Variants in KLHL29 observed in about 807,000 individuals in gnomAD.
The protein encoded by KLHL29 is kelch like family member 29.
KLHL29 carries 21 observed loss-of-function variants against 80.4 expected under a neutral mutation model. The ratio of observed to expected loss-of-function variants is 0.26; its 90% CI spans 0.19 to 0.38. KLHL29 has a LOEUF of 0.38. Ranked by LOEUF, KLHL29 falls within the 10% of genes least tolerant of loss-of-function variation. The probability of loss-of-function intolerance (pLI) is 1.00; values close to 1 mark genes in which losing one functional copy is unlikely to be tolerated. For missense variants in KLHL29, 867 were observed against 1,223.9 expected, an observed-to-expected ratio of 0.71 and a Z score of 4.35; for synonymous variants, 511 against 526.8, an observed-to-expected ratio of 0.97 and a Z score of 0.41.
chr2:23,607,071 C>A (rs1280008495), intron 3 of KLHL29, among the ~76,000 whole-genome samples: 1 of 152,222 alleles, frequency 6.6e-6, no homozygotes, highest in Admixed American at 6.5e-5. Context: ...GGGCCCCACC[C>A]TCATGACCTA....
At position 23,696,265 on chromosome 2, in the gene KLHL29, G is replaced by A. The variant is rs1423189789; in HGVS notation, c.1925-68G>A. 5 of 1,505,540 alleles carry A rather than the reference G, an allele frequency of 3.3e-6. No homozygotes were observed. Among genetic ancestry groups the A allele is most frequent in the Non-Finnish European group, 4.5e-6 (5 of 1,109,212 alleles). The allele number at this position is 1,505,540 out of a possible 1,614,324, so 93.3% of individuals were successfully genotyped here. A position where few individuals can be genotyped will look rare whatever the true frequency, so the allele number is the denominator to read the frequency against. On this transcript the variant is annotated intron_variant, in intron 10 of 13. Coordinates refer to ENST00000486442, the MANE Select transcript of KLHL29 (RefSeq NM_052920.2). The surrounding 1 kb of genome is among the most constrained non-coding windows in gnomAD (Gnocchi z 5.5). ...GGTGAAGCCTTCCTCTGCCCCTGGG[G>A]CTGGGCCTGCTGACCCCAGGCCCCT... is the stretch of plus-strand genomic sequence containing the variant.
chr2:23,613,763 C>CAAAA lies in KLHL29; in HGVS notation c.286-25352_286-25349dup, dbSNP rs1157736706. On this transcript the variant is annotated intron_variant, in intron 3 of 13. Transcript: ENST00000486442. ...TGGGCGGCAGGGCAAGACTCCATCT[C>CAAAA]AAAAAAAAAAAAAAAAAAAAAAAAA... Among the ~76,000 whole-genome samples the CAAAA allele has an allele frequency of 1.7e-4, 11 of 63,716 alleles. 1 individual carries two copies. The highest frequency in any genetic ancestry group is 8.9e-4 in the African/African-American group (10 of 11,256). 41.8% of individuals were successfully genotyped at this position (63,716 alleles called of 152,430 possible).
chr2:23,684,657 C>A lies in KLHL29; in HGVS notation c.1079+120C>A. 1 of 801,540 alleles carries A rather than the reference C, an allele frequency of 1.2e-6. No homozygotes were observed. Among genetic ancestry groups the A allele is most frequent in the Non-Finnish European group, 1.8e-6 (1 of 550,946 alleles). 49.7% of individuals were successfully genotyped at this position (801,540 alleles called of 1,614,324 possible). On this transcript the variant is annotated intron_variant, in intron 6 of 13. Coordinates refer to ENST00000486442, the MANE Select transcript of KLHL29 (RefSeq NM_052920.2). The surrounding 1 kb of genome is among the most constrained non-coding windows in gnomAD (Gnocchi z 4.4). ...TGACTCCCTGTCACAGAGCCAGTAG[C>A]CATCTCTCCTCCTCCTCCTCCTCCT...
At chr2:23,639,700 A>G (rs1239776318) in intron 4 of KLHL29, among the ~76,000 whole-genome samples, 1 of 152,074 alleles carries the variant, frequency 6.6e-6, no homozygotes, top group East Asian at 1.9e-4. Context: ...AGCTTGTACA[A>G]CATCCCAGCC....
At chr2:23,413,679 G>A (rs1666919444) in intron 1 of KLHL29, among the ~76,000 whole-genome samples, 1 of 152,122 alleles carries the variant, frequency 6.6e-6, no homozygotes, top group Non-Finnish European at 1.5e-5. Context: ...CAGATTCATG[G>A]CCCTGCAGTG....
chr2:23,390,358 G>T (rs1282274421), intron 1 of KLHL29, among the ~76,000 whole-genome samples: 1 of 152,180 alleles, frequency 6.6e-6, no homozygotes, highest in South Asian at 2.1e-4. Context: ...GAACAAGAAC[G>T]GCGAGCATGG....
Position 23,414,023 on chromosome 2 carries a change from C to G in KLHL29, c.-154+28243C>G, listed in dbSNP as rs13400983. ...CCCATGCCTGAGCTTCTTAGCCCTC[C>G]TAGCTGTGCTGTTCCCCAGATGGAG... On this transcript the variant is annotated intron_variant, in intron 1 of 13. Transcript: ENST00000486442. Among the ~76,000 whole-genome samples, 595 of 152,346 alleles carry G rather than the reference C, an allele frequency of 3.9e-3. 5 individuals carry two copies. Among genetic ancestry groups the G allele is most frequent in the African/African-American group, 0.014 (574 of 41,586 alleles).
At chr2:23,462,303 C>A (rs939947399) in intron 1 of KLHL29, among the ~76,000 whole-genome samples, 3 of 152,158 alleles carry the variant, frequency 2.0e-5, no homozygotes, top group African/African-American at 7.2e-5. Flanking sequence ...GGAGGGAGCT[C>A]CCTCCTGAGA....
At chr2:23,518,841 C>T (rs1274097087) in intron 2 of KLHL29, among the ~76,000 whole-genome samples, 1 of 152,244 alleles carries the variant, frequency 6.6e-6, no homozygotes, top group African/African-American at 2.4e-5. Flanking sequence ...ATATCATGAA[C>T]TGGGTGACCA....
At chr2:23,402,955 G>A (rs937157733) in intron 1 of KLHL29, among the ~76,000 whole-genome samples, 2 of 149,688 alleles carry the variant, frequency 1.3e-5, no homozygotes, top group African/African-American at 2.5e-5. Flanking sequence ...ATATGTGTAT[G>A]TATATATATC....
At chr2:23,436,276 A>C (rs891001826) in intron 1 of KLHL29, among the ~76,000 whole-genome samples, 4 of 131,582 alleles carry the variant, frequency 3.0e-5, no homozygotes, top group African/African-American at 8.8e-5. Context: ...ATAGCCAATC[A>C]GCTTTGTGTG....
Position 23,684,944 on chromosome 2 carries a change from C to T in KLHL29, c.1079+407C>T, listed in dbSNP as rs965605871. On this transcript the variant is annotated intron_variant, in intron 6 of 13. Transcript: ENST00000486442. The surrounding 1 kb of genome is among the most constrained non-coding windows in gnomAD (Gnocchi z 4.4). ...GCCAGAGCAGGATCCCCAGTGCCAT[C>T]GTCCCTGCTGTCGGTGGTGACTAAT... Among the ~76,000 whole-genome samples the T allele has an allele frequency of 6.6e-6, 1 of 152,228 alleles. No individual in the cohort carries two copies. Among genetic ancestry groups the T allele is most frequent in the Non-Finnish European group, 1.5e-5 (1 of 68,042 alleles).
At chr2:23,461,057 C>T (rs549286074) in intron 1 of KLHL29, among the ~76,000 whole-genome samples, 3 of 152,314 alleles carry the variant, frequency 2.0e-5, no homozygotes, top group Admixed American at 6.5e-5. Flanking sequence ...AAGATCGTCC[C>T]GGTGGCTGAC....
In KLHL29 at chr2:23,682,764, G is replaced by T. The variant is rs139915409; in HGVS notation, c.941-1635G>T. On this transcript the variant is annotated intron_variant, in intron 5 of 13. Transcript: ENST00000486442. This position sits in a 1 kb window ranked among gnomAD's most constrained non-coding sequence, Gnocchi z 4.1. The stretch of plus-strand genomic sequence containing the variant: ...CTGTAGCTCCCACCCCCCTTGCTCC[G>T]GGTCTGAGCTCACCCCACGTAGATC... Among the ~76,000 whole-genome samples the T allele has an allele frequency of 1.0e-3, 154 of 151,770 alleles. 2 individuals are homozygous for T. In the East Asian group the frequency reaches 0.02, roughly 20 times the overall value.
chr2:23,506,232 G>A (rs1376255899), intron 2 of KLHL29, among the ~76,000 whole-genome samples: 5 of 152,234 alleles, frequency 3.3e-5, no homozygotes, highest in African/African-American at 7.2e-5. Flanking sequence ...ACAGCTTGCC[G>A]TTGTTCACAG....
chr2:23,691,474 T>G, intron 6 of KLHL29, 200 bp from the exon 7 acceptor site: 3 of 599,708 alleles, frequency 5.0e-6, no homozygotes, highest in Non-Finnish European at 8.9e-6. Flanking sequence ...CAGGGTTTTC[T>G]GTTCTTTTGG....
chr2:23,395,165 A>G (rs1271418406), intron 1 of KLHL29, among the ~76,000 whole-genome samples: 3 of 152,196 alleles, frequency 2.0e-5, no homozygotes, highest in Non-Finnish European at 1.5e-5. Context: ...ACATCTCACC[A>G]GGAAGTCCAT....
intron 2 of KLHL29, among the ~76,000 whole-genome samples, chr2:23,480,351 G>A (rs532867204): frequency 3.3e-5 from 5 of 152,316 alleles, no homozygotes; most frequent in East Asian, 3.9e-4. Context: ...GCCGGGCATG[G>A]TGACACACGC....
chr2:23,592,698 G>A (rs1668298821), intron 3 of KLHL29, among the ~76,000 whole-genome samples: 1 of 152,338 alleles, frequency 6.6e-6, no homozygotes, highest in East Asian at 1.9e-4. Flanking sequence ...CCAAAAGAGA[G>A]GGAAGAACCA....
Sources: allele counts gnomAD v4.1 joint callset (sites outside exome capture counted in the v4.1 genomes callset), GRCh38; gene constraint gnomAD v4.1.1; non-coding constraint Gnocchi (gnomAD v3.1); transcripts MANE v1.5; gene names NCBI Gene and HGNC (gene_info 2026-07-23, HGNC 2026-07-21).